The following DOCK2 variants were observed in gnomAD, a reference collection of about 807,000 sequenced individuals.
The protein encoded by DOCK2 is dedicator of cytokinesis 2.
Under a neutral mutation model 248.9 loss-of-function variants are expected in DOCK2, and 87 were observed. The observed-to-expected ratio is 0.35, with a 90% CI of 0.29 to 0.42. The LOEUF (loss-of-function observed/expected upper bound fraction) is 0.42, where lower values mean the gene tolerates loss of function less well. Ranked by LOEUF, DOCK2 falls within the 10% of genes least tolerant of loss-of-function variation. The pLI, the probability that DOCK2 is intolerant of heterozygous loss-of-function variation, is 1.00. For missense variants in DOCK2, 1,747 were observed against 2,300.2 expected (o/e 0.76, Z 4.92); for synonymous variants, 805 against 821.6 (o/e 0.98, Z 0.35).
intron 8 of DOCK2, 144 bp from the exon 9 acceptor site, chr5:169,689,108 G>A: frequency 1.5e-6 from 1 of 669,948 alleles, no homozygotes. Flanking sequence ...TCTCTCGGAG[G>A]GAAGGACCAT....
chr5:169,833,405 G>A (rs1318531214), intron 26 of DOCK2, among the ~76,000 whole-genome samples: 2 of 152,178 alleles, frequency 1.3e-5, no homozygotes, highest in Admixed American at 6.5e-5. Context: ...CATACGGAAA[G>A]TTAGTACATG....
intron 37 of DOCK2, among the ~76,000 whole-genome samples, chr5:170,041,673 G>A (rs1561894115): frequency 6.6e-6 from 1 of 152,220 alleles, no homozygotes; most frequent in African/African-American, 2.4e-5. Flanking sequence ...GGACAGGCAG[G>A]GGGAAGCTAG....
chr5:169,871,519 T>A (rs1771969759), intron 27 of DOCK2, among the ~76,000 whole-genome samples: 1 of 152,252 alleles, frequency 6.6e-6, no homozygotes, highest in Admixed American at 6.5e-5. Context: ...CTTCATTTTA[T>A]AAATGAGAAA....
intron 9 of DOCK2, among the ~76,000 whole-genome samples, chr5:169,690,091 T>C (rs1760205265): frequency 6.6e-6 from 1 of 151,154 alleles, no homozygotes; most frequent in South Asian, 2.1e-4. Flanking sequence ...TCTCACTCTG[T>C]TGCCCAGGCT....
intron 27 of DOCK2, among the ~76,000 whole-genome samples, chr5:169,930,033 C>G (rs920383500): frequency 6.6e-6 from 1 of 152,100 alleles, no homozygotes; most frequent in Non-Finnish European, 1.5e-5. Flanking sequence ...GCTCTGTCAC[C>G]AGGCTGGAGT....
intron 25 of DOCK2, among the ~76,000 whole-genome samples, chr5:169,802,560 G>T (rs1163943182): frequency 6.6e-6 from 1 of 152,052 alleles, no homozygotes; most frequent in Non-Finnish European, 1.5e-5. Context: ...TACAGAAAGT[G>T]CTCCAAGAAA....
chr5:170,034,536 G>A lies in DOCK2; in HGVS notation c.3605G>A (p.Ser1202Asn), dbSNP rs1418915635. The change falls in exon 35 of 52, where the codon AGC becomes AAC. Residue 1202 changes from serine (S) to asparagine (N), a missense_variant. This residue lies in a region of DOCK2 where 858 missense variants were observed against 1,183.5 expected (regional missense o/e 0.72). Coordinates refer to ENST00000520908, the MANE Select transcript of DOCK2 (RefSeq NM_004946.3). ...MTDESKDNRM[S>N]CTVNLLNFYK... Reference sequence around the variant, plus strand: ...GATGAGAGCAAAGACAACCGCATGAGCTGCACCGTGAACCTGCTGGTGCGT... The same window carrying A: ...GATGAGAGCAAAGACAACCGCATGAACTGCACCGTGAACCTGCTGGTGCGT... The A allele has an allele frequency of 6.2e-7, 1 of 1,614,050 alleles. No homozygotes were observed. Among genetic ancestry groups the A allele is most frequent in the Non-Finnish European group, 8.5e-7 (1 of 1,180,012 alleles).
chr5:169,719,838 A>G (rs1000916441), intron 22 of DOCK2, among the ~76,000 whole-genome samples: 8 of 151,374 alleles, frequency 5.3e-5, no homozygotes, highest in Non-Finnish European at 1.2e-4. Context: ...TCAGCCACTT[A>G]TGGTGTGGAC....
At chr5:169,759,054 G>A (rs539603560) in intron 23 of DOCK2, among the ~76,000 whole-genome samples, 2 of 152,322 alleles carry the variant, frequency 1.3e-5, no homozygotes, top group African/African-American at 4.8e-5. Context: ...GTGTTGCTAT[G>A]CAGGGGGTGA....
At chr5:169,641,572 G>T (rs929511726) in intron 1 of DOCK2, among the ~76,000 whole-genome samples, 51 of 152,316 alleles carry the variant, frequency 3.3e-4, no homozygotes, top group African/African-American at 1.2e-3. Context: ...GGGAGAAGTG[G>T]TGTATTTTAG....
At chr5:169,800,849 C>T (rs2113117676) in intron 25 of DOCK2, among the ~76,000 whole-genome samples, 1 of 152,044 alleles carries the variant, frequency 6.6e-6, no homozygotes, top group African/African-American at 2.4e-5. Flanking sequence ...CAGCATGTGC[C>T]CCTGGGCAGC....
intron 25 of DOCK2, among the ~76,000 whole-genome samples, chr5:169,765,444 T>C (rs1764724443): frequency 6.6e-6 from 1 of 152,186 alleles, no homozygotes; most frequent in South Asian, 2.1e-4. Flanking sequence ...CAGACCTGCC[T>C]GGTGGTGATG....
At chr5:170,043,562 G>T (rs541276869) in intron 38 of DOCK2, among the ~76,000 whole-genome samples, 173 of 152,164 alleles carry the variant, frequency 1.1e-3, no homozygotes, top group Non-Finnish European at 2.1e-3. Context: ...GTCTTAGTCG[G>T]ACCCTTCTAC....
At chr5:169,657,731 A>G (rs1281708109) in intron 2 of DOCK2, among the ~76,000 whole-genome samples, 1 of 152,178 alleles carries the variant, frequency 6.6e-6, no homozygotes, top group African/African-American at 2.4e-5. Context: ...ACCCATTCAA[A>G]CAAGACCTGG....
At chr5:169,833,906 C>G (rs1032886282) in intron 26 of DOCK2, among the ~76,000 whole-genome samples, 3 of 152,240 alleles carry the variant, frequency 2.0e-5, no homozygotes, top group East Asian at 1.9e-4. Context: ...ATGTCCCAAC[C>G]AGATTACCCT....
chr5:169,652,718 A>C (rs548377471), intron 1 of DOCK2, among the ~76,000 whole-genome samples: 1 of 152,222 alleles, frequency 6.6e-6, no homozygotes, highest in East Asian at 1.9e-4. Context: ...GGGTGATTGG[A>C]CCAGGGGAAG....
At chr5:170,055,972 C>T (rs896505686) in intron 42 of DOCK2, among the ~76,000 whole-genome samples, 1 of 152,236 alleles carries the variant, frequency 6.6e-6, no homozygotes, top group Non-Finnish European at 1.5e-5. Flanking sequence ...CTCCCAGCTG[C>T]CCAGCTCATT....
At chr5:169,993,655 G>A (rs1463981658) in intron 29 of DOCK2, among the ~76,000 whole-genome samples, 1 of 151,760 alleles carries the variant, frequency 6.6e-6, no homozygotes, top group Non-Finnish European at 1.5e-5. Context: ...TGAACACCTG[G>A]CCCTGCAGTG....
chr5:169,863,501 G>T (rs1226887433), intron 27 of DOCK2, among the ~76,000 whole-genome samples: 1 of 152,150 alleles, frequency 6.6e-6, no homozygotes, highest in Non-Finnish European at 1.5e-5. Context: ...GTGGTCTCAG[G>T]CCCTAGGCAG....
Sources: gnomAD v4.1 joint callset for allele counts (sites outside exome capture counted in the v4.1 genomes callset) on GRCh38, gnomAD v4.1.1 for gene constraint, gnomAD v4.1.1 regional missense constraint, MANE v1.5 for transcripts, NCBI Gene and HGNC (gene_info 2026-07-23, HGNC 2026-07-21) for gene names.